ZC3H12B: variants seen among roughly 807,000 people sequenced by gnomAD.
ZC3H12B encodes probable ribonuclease ZC3H12B.
Under a neutral mutation model 43.9 loss-of-function variants are expected in ZC3H12B, and 7 were observed. The ratio of observed to expected loss-of-function variants is 0.16; its 90% CI spans 0.09 to 0.30. The LOEUF is 0.30. ZC3H12B is among the 10% of genes least tolerant of loss of function. The pLI is 1.00. For synonymous variants in ZC3H12B, 222 were observed against 241.7 expected (o/e 0.92, Z 0.76); for missense variants, 475 against 670.2 (o/e 0.71, Z 3.22).
the ZC3H12B span, among the ~76,000 whole-genome samples, chrX:65,307,367 T>C: frequency 8.9e-6 from 1 of 111,816 alleles, no homozygotes; most frequent in African/African-American, 3.2e-5. Context: ...TTTAGAATTC[T>C]TGAAGACTTT....
chrX:65,434,737 G>A (rs769954341), intron 3 of ZC3H12B, among the ~76,000 whole-genome samples: 148 of 111,245 alleles, frequency 1.3e-3, no homozygotes, highest in African/African-American at 4.6e-3. Flanking sequence ...TCTAGTTATG[G>A]GTCTAGAAGA....
At chrX:65,129,873 G>A in the ZC3H12B span, among the ~76,000 whole-genome samples, 1 of 110,676 alleles carries the variant, frequency 9.0e-6, no homozygotes, top group Non-Finnish European at 1.9e-5. Flanking sequence ...AAGATTTTGT[G>A]GTAAGGGGTG....
intron 3 of ZC3H12B, among the ~76,000 whole-genome samples, chrX:65,444,690 G>A (rs936194799): frequency 8.9e-6 from 1 of 112,071 alleles, no homozygotes; most frequent in Non-Finnish European, 1.9e-5. Context: ...AGCAACTTTG[G>A]AACTAGGTAA....
the ZC3H12B span, among the ~76,000 whole-genome samples, chrX:65,234,999 A>G: frequency 5.7e-4 from 64 of 111,752 alleles, no homozygotes; most frequent in African/African-American, 2.0e-3. Context: ...AGCTCCATCC[A>G]TGTCCCTGCA....
At chrX:65,385,766 A>G (rs1479312401) in intron 2 of ZC3H12B, among the ~76,000 whole-genome samples, 2 of 112,007 alleles carry the variant, frequency 1.8e-5, no homozygotes, top group African/African-American at 3.2e-5. Context: ...ATTCAGTATG[A>G]CATTGGCTGT....
chrX:65,165,037 A>G, the ZC3H12B span, among the ~76,000 whole-genome samples: 6 of 111,890 alleles, frequency 5.4e-5, no homozygotes, highest in Non-Finnish European at 9.4e-5. Flanking sequence ...GAGAAAATGA[A>G]GTGCTTTAAA....
chrX:65,166,304 C>T, the ZC3H12B span, among the ~76,000 whole-genome samples: 1 of 111,009 alleles, frequency 9.0e-6, no homozygotes, highest in East Asian at 2.8e-4. Context: ...GTTTGGTTTT[C>T]TGTCCTTGCG....
chrX:65,502,735 C>G (rs1361190745), exon 5 of ZC3H12B: 1 of 1,208,367 alleles, frequency 8.3e-7, no homozygotes, highest in Non-Finnish European at 1.1e-6. Flanking sequence ...CAGACTACCC[C>G]ATGCCTCCCA....
chrX:65,270,006 T>C, the ZC3H12B span, among the ~76,000 whole-genome samples: 1 of 111,965 alleles, frequency 8.9e-6, no homozygotes. Context: ...ATCTCCATGT[T>C]GTTTTTCATA....
At chrX:65,165,641 C>T in the ZC3H12B span, among the ~76,000 whole-genome samples, 1 of 112,615 alleles carries the variant, frequency 8.9e-6, no homozygotes, top group African/African-American at 3.2e-5. Context: ...ATTTTCATGG[C>T]TGCATAGTAG....
chrX:65,430,498 C>G (rs185134735), intron 3 of ZC3H12B, among the ~76,000 whole-genome samples: 6 of 61,980 alleles, frequency 9.7e-5, no homozygotes, highest in Non-Finnish European at 1.7e-4. Context: ...CCCCCCTCCC[C>G]CCACCCCACA....
the ZC3H12B span, among the ~76,000 whole-genome samples, chrX:65,083,809 C>CA: frequency 2.7e-5 from 3 of 111,392 alleles, no homozygotes; most frequent in Admixed American, 9.5e-5. Flanking sequence ...CTATTCTAAG[C>CA]AAAAAACAGA....
intron 3 of ZC3H12B, among the ~76,000 whole-genome samples, chrX:65,405,296 A>C (rs1435233888): frequency 2.7e-5 from 3 of 112,499 alleles, no homozygotes; most frequent in Non-Finnish European, 5.6e-5. Flanking sequence ...AGAAAAGCAA[A>C]AGCAAACCAA....
rs1277993743 is a variant in ZC3H12B at position 65,479,593 on chromosome X, C to T, written n.408-9053C>T. Among the ~76,000 whole-genome samples, 4 of 111,292 alleles carry T rather than the reference C, an allele frequency of 3.6e-5. No individual in the cohort carries two copies. The Admixed American group carries it at 3.8e-4, about 11-fold the overall frequency. On this transcript the variant is annotated intron_variant and non_coding_transcript_variant, in intron 3 of 5. Transcript: ENST00000617377. ...GCATTGGCCAGGCTGGTCTTGAACT[C>T]CTGACCTCAGGTGATCTGCCCGCCT...
chrX:65,225,369 A>G, the ZC3H12B span, among the ~76,000 whole-genome samples: 1 of 112,206 alleles, frequency 8.9e-6, no homozygotes, highest in African/African-American at 3.2e-5. Context: ...ACCAAAAACC[A>G]TGTGTACATC....
At chrX:65,330,930 C>T in the ZC3H12B span, 1 of 285,383 alleles carries the variant, frequency 3.5e-6, no homozygotes, top group Non-Finnish European at 6.9e-6. Context: ...CAACATGTTT[C>T]TGTTACACAC....
chrX:65,080,787 C>T, the ZC3H12B span, among the ~76,000 whole-genome samples: 3 of 111,290 alleles, frequency 2.7e-5, no homozygotes, highest in Admixed American at 2.9e-4. Flanking sequence ...CCTGAAGGTA[C>T]AAAACTCACT....
At chrX:65,507,609 T>C (rs749869034) in exon 5 of ZC3H12B, 1 of 112,295 alleles carries the variant, frequency 8.9e-6, no homozygotes, top group African/African-American at 3.2e-5. Context: ...TTATAAAATC[T>C]CTTTGGGTTT....
intron 3 of ZC3H12B, among the ~76,000 whole-genome samples, chrX:65,439,348 T>A (rs2067271602): frequency 8.9e-6 from 1 of 112,002 alleles, no homozygotes; most frequent in South Asian, 3.8e-4. Context: ...TACCATTTTG[T>A]TCAGATCATC....
Sources: allele counts gnomAD v4.1 joint callset (sites outside exome capture counted in the v4.1 genomes callset), GRCh38; gene constraint gnomAD v4.1.1; transcripts MANE v1.5; gene names NCBI Gene and HGNC (gene_info 2026-07-23, HGNC 2026-07-21).